KAT6A: variants seen among roughly 807,000 people sequenced by gnomAD.
KAT6A encodes the protein lysine acetyltransferase 6A, also known as histone acetyltransferase KAT6A.
In KAT6A, 9 loss-of-function variants were observed where a neutral mutation model predicts 198.4. The ratio of observed to expected loss-of-function variants is 0.05; its 90% CI spans 0.03 to 0.08. The LOEUF (loss-of-function observed/expected upper bound fraction) is 0.08. KAT6A is among the 10% of genes least tolerant of loss of function. The pLI is 1.00. For missense variants in KAT6A, 2,077 were observed against 2,509.9 expected (o/e 0.83, Z 3.69); for synonymous variants, 890 against 883.0 (o/e 1.01, Z -0.14).
At chr8:42,010,852 C>A (rs1825987898) in intron 2 of KAT6A, among the ~76,000 whole-genome samples, 1 of 152,164 alleles carries the variant, frequency 6.6e-6, no homozygotes, top group Admixed American at 6.5e-5. Flanking sequence ...AGCCTACTGG[C>A]AAAGAAGGTC....
At chr8:41,973,073 A>G (rs1823876944) in intron 8 of KAT6A, among the ~76,000 whole-genome samples, 1 of 152,256 alleles carries the variant, frequency 6.6e-6, no homozygotes. Flanking sequence ...ATCATAATAC[A>G]GCAGAATGCT....
At chr8:41,985,682 G>A (rs1824566078) in intron 3 of KAT6A, among the ~76,000 whole-genome samples, 1 of 152,114 alleles carries the variant, frequency 6.6e-6, no homozygotes, top group African/African-American at 2.4e-5. Context: ...CTCCTCAGAT[G>A]GGTCAGTTCT....
chr8:41,934,386 A>T lies in KAT6A; in HGVS notation c.3834T>A (p.Arg1278=). 2 of 1,613,578 alleles carry T rather than the reference A, an allele frequency of 1.2e-6. No homozygotes were observed. Among genetic ancestry groups the T allele is most frequent in the Non-Finnish European group, 1.7e-6 (2 of 1,179,858 alleles). The part of the protein sequence containing the change: ...PEVEEEEEKP[R]VSEEQRQSEE... The stretch of plus-strand genomic sequence containing the variant: ...CTGACTGCCTCTGCTCCTCTGAGAC[A>T]CGGGGCTTCTCTTCTTCCTCCTCCA... Residue 1278 remains arginine (R), a synonymous_variant, in exon 17 of 17, where the codon CGT becomes CGA. Transcript: ENST00000265713.
intron 12 of KAT6A, among the ~76,000 whole-genome samples, 158 bp from the exon 13 acceptor site, chr8:41,944,137 A>G (rs1219768899): frequency 6.6e-6 from 1 of 152,202 alleles, no homozygotes; most frequent in African/African-American, 2.4e-5. Flanking sequence ...AAACTACTTC[A>G]AAACAAATCT....
chr8:41,978,722 T>C lies in KAT6A; in HGVS notation c.963A>G (p.Gln321=). The C allele has an allele frequency of 1.2e-6, 2 of 1,614,094 alleles. No individual in the cohort carries two copies. The highest frequency in any genetic ancestry group is 1.7e-6 in the Non-Finnish European group (2 of 1,179,950). The change falls in exon 6 of 17, where the codon CAA becomes CAG. Residue 321 remains glutamine (Q), a synonymous_variant. Coordinates refer to ENST00000265713, the MANE Select transcript of KAT6A (RefSeq NM_006766.5). ...GCCGTTTTATCTGTGCTGCCTTCTT[T>C]TGTAGAAGTTTTCGTCCTTTTTTCC... ...RPRKKGRKLL[Q]KKAAQIKRRY...
intron 2 of KAT6A, among the ~76,000 whole-genome samples, chr8:41,999,928 C>G (rs1825404939): frequency 6.6e-6 from 1 of 152,158 alleles, no homozygotes; most frequent in South Asian, 2.1e-4. Context: ...TAAGAAACAC[C>G]TAGTAAGTGC....
chr8:41,991,638 ATATAG>A (rs1824951676), intron 2 of KAT6A, among the ~76,000 whole-genome samples: 1 of 152,218 alleles, frequency 6.6e-6, no homozygotes, highest in Non-Finnish European at 1.5e-5. Flanking sequence ...TAATCAAAAA[ATATAG>A]TATAGGACCA....
intron 13 of KAT6A, 151 bp from the exon 14 acceptor site, chr8:41,943,151 A>C (rs1822222122): frequency 5.8e-6 from 6 of 1,037,074 alleles, no homozygotes; most frequent in Non-Finnish European, 6.9e-6. Context: ...ATGTGCCACC[A>C]CATGAGACGG....
At chr8:42,041,266 G>A (rs1827655521) in intron 2 of KAT6A, among the ~76,000 whole-genome samples, 2 of 151,132 alleles carry the variant, frequency 1.3e-5, no homozygotes, top group South Asian at 4.2e-4. Flanking sequence ...ATATCTCTGA[G>A]TTATTTTTAA....
intron 2 of KAT6A, among the ~76,000 whole-genome samples, chr8:42,046,816 A>G (rs907547540): frequency 2.0e-5 from 3 of 152,228 alleles, no homozygotes; most frequent in African/African-American, 7.2e-5. Context: ...TAAATGCTCA[A>G]ATTACATAGA....
intron 2 of KAT6A, among the ~76,000 whole-genome samples, chr8:42,014,433 T>G (rs551300595): frequency 6.6e-6 from 1 of 152,192 alleles, no homozygotes; most frequent in Admixed American, 6.5e-5. Flanking sequence ...GAAAAATCAA[T>G]TGAAGATAAA....
chr8:41,949,192 G>T, intron 10 of KAT6A, 30 bp downstream of exon 10: 1 of 1,439,902 alleles, frequency 6.9e-7, no homozygotes, highest in South Asian at 1.5e-5. Flanking sequence ...TGAAATGGAT[G>T]AGAGGACAAT....
chr8:42,035,136 A>G (rs1364006606), intron 2 of KAT6A, among the ~76,000 whole-genome samples: 4 of 152,234 alleles, frequency 2.6e-5, no homozygotes, highest in Non-Finnish European at 1.5e-5. Context: ...GAAGAGGTTA[A>G]ATAAGAGATG....
At chr8:41,958,353 T>C (rs1458109417) in intron 8 of KAT6A, 2 of 152,134 alleles carry the variant, frequency 1.3e-5, no homozygotes, top group Non-Finnish European at 2.9e-5. Context: ...ATACCCACTC[T>C]GCAGATGAAA....
chr8:42,051,496 C>A (rs1263867892), intron 1 of KAT6A, among the ~76,000 whole-genome samples: 2 of 146,202 alleles, frequency 1.4e-5, no homozygotes, highest in East Asian at 2.0e-4. Flanking sequence ...GGCGGGTGGG[C>A]GCGCCCCGAG....
At chr8:41,979,631 T>G (rs1824247571) in intron 5 of KAT6A, among the ~76,000 whole-genome samples, 1 of 152,040 alleles carries the variant, frequency 6.6e-6, no homozygotes, top group South Asian at 2.1e-4. Context: ...TTGCTCAGAC[T>G]TCACATAAAT....
At chr8:41,968,493 G>T (rs1007897692) in intron 8 of KAT6A, among the ~76,000 whole-genome samples, 1 of 152,170 alleles carries the variant, frequency 6.6e-6, no homozygotes, top group Non-Finnish European at 1.5e-5. Flanking sequence ...TGGAGAGGAT[G>T]TGGAGAAATA....
At chr8:41,996,224 T>G (rs139521884) in intron 2 of KAT6A, among the ~76,000 whole-genome samples, 1 of 152,206 alleles carries the variant, frequency 6.6e-6, no homozygotes, top group Admixed American at 6.5e-5. Flanking sequence ...ACTGCACTTG[T>G]AAACTCAAAC....
intron 2 of KAT6A, among the ~76,000 whole-genome samples, chr8:42,019,712 TAC>T (rs1479563446): frequency 6.6e-6 from 1 of 152,186 alleles, no homozygotes. Context: ...GTCTGGGGAT[TAC>T]ACAGTTTTCA....
Sources: gnomAD v4.1 joint callset for allele counts (sites outside exome capture counted in the v4.1 genomes callset) on GRCh38, gnomAD v4.1.1 for gene constraint, MANE v1.5 for transcripts, NCBI Gene and HGNC (gene_info 2026-07-23, HGNC 2026-07-21) for gene names.